The following C8orf89 variants were observed in gnomAD, a reference collection of about 807,000 sequenced individuals.
C8orf89 encodes the protein putative uncharacterized protein C8orf89.
In C8orf89, 14 loss-of-function variants were observed where a neutral mutation model predicts 15.8. The observed-to-expected ratio is 0.89, with a 90% CI of 0.59 to 1.39. The LOEUF (loss-of-function observed/expected upper bound fraction) is 1.39, where lower values mean the gene tolerates loss of function less well. Ranked by LOEUF, C8orf89 falls within the 40% of genes most tolerant of loss-of-function variation. The pLI, the probability that C8orf89 is intolerant of heterozygous loss-of-function variation, is 0.00. For missense variants in C8orf89, 181 were observed against 184.5 expected (o/e 0.98, Z 0.11); for synonymous variants, 55 against 62.2 (o/e 0.88, Z 0.54).
the C8orf89 span, among the ~76,000 whole-genome samples, chr8:73,283,304 A>AATTTAAT: frequency 6.6e-6 from 1 of 152,204 alleles, no homozygotes; most frequent in Non-Finnish European, 1.5e-5. Flanking sequence ...TACACAATCC[A>AATTTAAT]ATTTAATCCT....
chr8:73,249,731 T>G (rs1813207599), intron 3 of C8orf89, among the ~76,000 whole-genome samples: 2 of 152,176 alleles, frequency 1.3e-5, no homozygotes, highest in South Asian at 4.1e-4. Flanking sequence ...GTAACTTGAC[T>G]TAAAAGTAGT....
At chr8:73,268,600 T>C in the C8orf89 span, among the ~76,000 whole-genome samples, 5 of 152,228 alleles carry the variant, frequency 3.3e-5, no homozygotes, top group African/African-American at 1.2e-4. Flanking sequence ...TGACAGGATA[T>C]TTGATAGCAT....
intron 2 of C8orf89, among the ~76,000 whole-genome samples, chr8:73,254,418 G>T (rs575895903): frequency 9.5e-4 from 145 of 152,232 alleles, no homozygotes; most frequent in Non-Finnish European, 1.7e-3. Flanking sequence ...TCTCTGCCCA[G>T]CTTTGGTATC....
At chr8:73,254,976 AT>A (rs1813337729) in intron 2 of C8orf89, among the ~76,000 whole-genome samples, 1 of 152,222 alleles carries the variant, frequency 6.6e-6, no homozygotes. Context: ...TTCAAGATGG[AT>A]TAAAGACTTA....
the C8orf89 span, among the ~76,000 whole-genome samples, chr8:73,278,846 A>G: frequency 1.3e-5 from 2 of 152,230 alleles, no homozygotes; most frequent in Non-Finnish European, 2.9e-5. Flanking sequence ...CTTTAACTAT[A>G]GTCATTTTAG....
the C8orf89 span, among the ~76,000 whole-genome samples, chr8:73,271,417 A>C: frequency 2.6e-5 from 4 of 152,130 alleles, no homozygotes; most frequent in Admixed American, 2.6e-4. Context: ...GAAATGGATT[A>C]CATCTCAGGA....
In C8orf89 at chr8:73,241,594, T is replaced by A. The variant is rs1186735691; in HGVS notation, c.349A>T (p.Ser117Cys). Residue 117 changes from serine to cysteine, a missense_variant, in exon 4 of 4, where the codon AGT becomes TGT. Physicochemically the swap from Ser to Cys is moderately radical, Grantham distance 112. Coordinates refer to ENST00000624510, the MANE Select transcript of C8orf89 (RefSeq NM_001243237.3). ...GATGGTGCTCCAGTGAGAGGATCAC[T>A]GAAGCCAGAACCTGGAGGAGGAGGT... Reference protein sequence around the residue: ...LWEKSKGSGFSDPLTGAPSQY... With the variant: ...LWEKSKGSGFCDPLTGAPSQY... The A allele has an allele frequency of 1.3e-6, 2 of 1,516,442 alleles. No individual in the cohort carries two copies. The highest frequency in any genetic ancestry group is 1.8e-6 in the Non-Finnish European group (2 of 1,136,210). The allele number at this position is 1,516,442 out of a possible 1,614,324, so 93.9% of individuals were successfully genotyped here.
chr8:73,284,576 C>CA, the C8orf89 span, among the ~76,000 whole-genome samples: 2,614 of 151,770 alleles, frequency 0.017, 82 homozygotes, highest in African/African-American at 0.06. Flanking sequence ...CCATTATGAC[C>CA]AAAAAACAAA....
At chr8:73,272,732 G>T in the C8orf89 span, among the ~76,000 whole-genome samples, 1 of 151,940 alleles carries the variant, frequency 6.6e-6, no homozygotes, top group Admixed American at 6.6e-5. Flanking sequence ...GCGATAGTTT[G>T]CTGAGAATGA....
Position 73,241,487 on chromosome 8 carries a change from T to G in C8orf89, c.456A>C (p.Lys152Asn), listed in dbSNP as rs754393957. 3.5e-4 allele frequency: 537 copies of G among 1,531,172 alleles called. 1 individual carries two copies. The highest frequency in any genetic ancestry group is 4.6e-4 in the Non-Finnish European group (521 of 1,144,100). The allele number at this position is 1,531,172 out of a possible 1,614,324, so 94.8% of individuals were successfully genotyped here. A position where few individuals can be genotyped will look rare whatever the true frequency, so the allele number is the denominator to read the frequency against. Reference sequence around the variant, plus strand: ...GGTCTCGGAGGTCTCGTTTCTTGCTTTTTTTTGATTTTGTGGTTGTTTCCT... The same window carrying G: ...GGTCTCGGAGGTCTCGTTTCTTGCTGTTTTTTGATTTTGTGGTTGTTTCCT... ...IRQETTTKSK[K>N]SKKRDLRDR Residue 152 changes from lysine to asparagine, a missense_variant, in exon 4 of 4, where the codon AAA becomes AAC. By Grantham distance (94) the Lys-to-Asn change is moderately conservative. Coordinates refer to ENST00000624510, the MANE Select transcript of C8orf89 (RefSeq NM_001243237.3).
intron 2 of C8orf89, among the ~76,000 whole-genome samples, chr8:73,253,949 G>T (rs1352528534): frequency 6.6e-6 from 1 of 151,540 alleles, no homozygotes; most frequent in Admixed American, 6.6e-5. Context: ...AATTGCCCTG[G>T]CCAGAACTTC....
the C8orf89 span, among the ~76,000 whole-genome samples, chr8:73,270,684 T>G: frequency 6.6e-6 from 1 of 152,126 alleles, no homozygotes; most frequent in South Asian, 2.1e-4. Context: ...GGCAGGTGGA[T>G]CACTTGAGCC....
the C8orf89 span, among the ~76,000 whole-genome samples, chr8:73,271,340 T>G: frequency 4.6e-5 from 7 of 152,196 alleles, no homozygotes; most frequent in African/African-American, 1.7e-4. Flanking sequence ...CTCTCATGAA[T>G]GGCTAGGTGC....
At chr8:73,246,330 T>C (rs1006084995) in intron 3 of C8orf89, among the ~76,000 whole-genome samples, 109 of 152,302 alleles carry the variant, frequency 7.2e-4, no homozygotes, top group African/African-American at 2.5e-3. Flanking sequence ...CTGGCAAATG[T>C]TCATTTGGGC....
chr8:73,243,181 G>C (rs1813043736), intron 3 of C8orf89, among the ~76,000 whole-genome samples: 1 of 152,142 alleles, frequency 6.6e-6, no homozygotes, highest in African/African-American at 2.4e-5. Flanking sequence ...GAGAGATGCG[G>C]GGGAAGTGGG....
the C8orf89 span, among the ~76,000 whole-genome samples, chr8:73,276,222 G>A: frequency 6.7e-6 from 1 of 148,492 alleles, no homozygotes; most frequent in African/African-American, 2.5e-5. Flanking sequence ...TGTCACCCAG[G>A]CTGGGGTGCA....
chr8:73,283,605 C>T, the C8orf89 span, among the ~76,000 whole-genome samples: 1 of 152,176 alleles, frequency 6.6e-6, no homozygotes, highest in African/African-American at 2.4e-5. Context: ...AGATTTTGCT[C>T]AATACAGTCT....
rs533585473 is a variant in C8orf89, at chr8:73,241,472, G to T, written c.471C>A (p.Asp157Glu). The T allele has an allele frequency of 1.4e-5, 22 of 1,529,568 alleles. No homozygotes were observed. In the African/African-American group the frequency reaches 2.6e-4, roughly 18 times the overall value. 94.7% of individuals were successfully genotyped at this position (1,529,568 alleles called of 1,614,324 possible). A position where few individuals can be genotyped will look rare whatever the true frequency, so the allele number is the denominator to read the frequency against. Residue 157 changes from aspartate to glutamate, a missense_variant, in exon 4 of 4, where the codon GAC becomes GAA. Asp to Glu is a conservative substitution (Grantham distance 45). Coordinates refer to ENST00000624510, the MANE Select transcript of C8orf89 (RefSeq NM_001243237.3). ...TTKSKKSKKRDLRDR is the reference protein window; with the variant it reads ...TTKSKKSKKRELRDR ...ACGACATTTTTCAGCGGTCTCGGAG[G>T]TCTCGTTTCTTGCTTTTTTTTGATT...
chr8:73,283,090 A>T, the C8orf89 span, among the ~76,000 whole-genome samples: 1 of 152,314 alleles, frequency 6.6e-6, no homozygotes, highest in East Asian at 1.9e-4. Flanking sequence ...AGACTGTAAT[A>T]AAGTTGGCAA....
Sources: allele counts gnomAD v4.1 joint callset (sites outside exome capture counted in the v4.1 genomes callset), GRCh38; gene constraint gnomAD v4.1.1; transcripts MANE v1.5; gene names NCBI Gene and HGNC (gene_info 2026-07-23, HGNC 2026-07-21).